RNF152: variants seen among roughly 807,000 people sequenced by gnomAD.
The protein encoded by RNF152 is E3 ubiquitin-protein ligase RNF152.
In RNF152, 11 loss-of-function variants were observed where a neutral mutation model predicts 12.7. The observed-to-expected ratio is 0.86, with a 90% CI of 0.54 to 1.43. The LOEUF is 1.43. Among genes scored for constraint, RNF152 ranks in the 40% most tolerant of loss-of-function variants. The pLI, the probability that RNF152 is intolerant of heterozygous loss-of-function variation, is 0.00. For missense variants in RNF152, 255 were observed against 274.8 expected, an observed-to-expected ratio of 0.93 and a Z score of 0.51; for synonymous variants, 113 against 120.3, an observed-to-expected ratio of 0.94 and a Z score of 0.40.
At chr18:61,871,902 C>T (rs1272074197) in intron 1 of RNF152, among the ~76,000 whole-genome samples, 2 of 152,136 alleles carry the variant, frequency 1.3e-5, no homozygotes, top group African/African-American at 4.8e-5. Flanking sequence ...TGTGAGGGAG[C>T]CTCCAAGAAA....
At chr18:61,865,023 A>C (rs1411812927) in intron 1 of RNF152, among the ~76,000 whole-genome samples, 1 of 152,174 alleles carries the variant, frequency 6.6e-6, no homozygotes, top group African/African-American at 2.4e-5. Context: ...TCCATCTCAA[A>C]AAAAAAAGGA....
At position 61,883,285 on chromosome 18, in the gene RNF152, C is replaced by A. The variant is rs561728232; in HGVS notation, c.-136+9510G>T. 5.9e-5 allele frequency among the ~76,000 whole-genome samples: 9 copies of A among 152,264 alleles called. No individual in the cohort carries two copies. In the East Asian group the frequency reaches 1.3e-3, roughly 23 times the overall value. On this transcript the variant is annotated intron_variant, in intron 1 of 1. Transcript: ENST00000312828. ...TGTCTACTGTGTACCGGGCCCCAAGCGGCTACCCCTTTTTAAGAAGAATTT... is the reference window on the plus strand; with the variant it reads ...TGTCTACTGTGTACCGGGCCCCAAGAGGCTACCCCTTTTTAAGAAGAATTT...
chr18:61,857,911 TAAAACA>T (rs1487627800), intron 1 of RNF152, among the ~76,000 whole-genome samples: 3 of 151,932 alleles, frequency 2.0e-5, no homozygotes, highest in Admixed American at 1.3e-4. Context: ...ATCAGACAAC[TAAAACA>T]ATAACAACAG....
chr18:61,834,112 T>A (rs899225089), intron 1 of RNF152, among the ~76,000 whole-genome samples: 1 of 152,218 alleles, frequency 6.6e-6, no homozygotes, highest in African/African-American at 2.4e-5. Context: ...TTATTTTTGT[T>A]ACGTCCTGGC....
intron 1 of RNF152, among the ~76,000 whole-genome samples, chr18:61,859,067 G>C (rs1568282903): frequency 6.6e-6 from 1 of 152,044 alleles, no homozygotes; most frequent in Non-Finnish European, 1.5e-5. Context: ...CCTCAGCCAC[G>C]ACCCTGTATT....
intron 1 of RNF152, among the ~76,000 whole-genome samples, chr18:61,829,366 C>T (rs1909823800): frequency 6.6e-6 from 1 of 152,058 alleles, no homozygotes; most frequent in Non-Finnish European, 1.5e-5. Flanking sequence ...ACTCTGCCAG[C>T]CCCAGCGCTC....
At position 61,814,313 on chromosome 18, in the gene RNF152, C is replaced by G. The variant is rs1908959131; in HGVS notation, c.*1539G>C. 6.6e-6 allele frequency: 1 copy of G among 152,140 alleles called. No individual in the cohort carries two copies. Among genetic ancestry groups the G allele is most frequent in the South Asian group, 2.1e-4 (1 of 4,828 alleles). 9.4% of individuals were successfully genotyped at this position (152,140 alleles called of 1,614,324 possible). On this transcript the variant is annotated 3_prime_UTR_variant, in exon 2 of 2. Transcript: ENST00000312828. ...CCCTGCTTGTCTTTCCTTCACTTCC[C>G]CCCACCCTCCTCACCATTTTCAGGG...
chr18:61,890,600 T>C (rs1036265390), intron 1 of RNF152: 3 of 152,188 alleles, frequency 2.0e-5, no homozygotes, highest in African/African-American at 4.8e-5. Context: ...ACCTCACCTA[T>C]CTTGCTGGTA....
chr18:61,859,267 C>T (rs1000430091), intron 1 of RNF152, among the ~76,000 whole-genome samples: 5 of 152,208 alleles, frequency 3.3e-5, no homozygotes, highest in Non-Finnish European at 7.3e-5. Flanking sequence ...ATCAAAGCCC[C>T]TCAGTTTCAG....
At chr18:61,816,945 T>A (rs1026884770) in intron 1 of RNF152, among the ~76,000 whole-genome samples, 1 of 152,228 alleles carries the variant, frequency 6.6e-6, no homozygotes, top group African/African-American at 2.4e-5. Flanking sequence ...TAGAGAAACT[T>A]TCCTGCTTCC....
At chr18:61,816,625 T>C (rs1909110388) in intron 1 of RNF152, 27 bp from the exon 2 acceptor site, 1 of 687,638 alleles carries the variant, frequency 1.5e-6, no homozygotes. Context: ...ATGCAAACAA[T>C]CTTAATTATT....
intron 1 of RNF152, chr18:61,888,953 T>C (rs1049160736): frequency 1.9e-4 from 29 of 151,974 alleles, no homozygotes; most frequent in African/African-American, 7.0e-4. Flanking sequence ...CCAGAGAAAA[T>C]ATAGAAATGC....
At position 61,809,080 on chromosome 18, in the gene RNF152, A is replaced by T. The variant is rs1464492628; in HGVS notation, c.*6772T>A. 1.3e-5 allele frequency: 2 copies of T among 152,296 alleles called. No homozygotes were observed. Among genetic ancestry groups the T allele is most frequent in the Non-Finnish European group, 2.9e-5 (2 of 68,132 alleles). 9.4% of individuals were successfully genotyped at this position (152,296 alleles called of 1,614,324 possible). A position where few individuals can be genotyped will look rare whatever the true frequency, so the allele number is the denominator to read the frequency against. ...TCTTTCTCCAGCTGGTTTCTGCCATATCTGGCCTTCAGCTCCTATATGTCT... is the reference window on the plus strand; with the variant it reads ...TCTTTCTCCAGCTGGTTTCTGCCATTTCTGGCCTTCAGCTCCTATATGTCT... On this transcript the variant is annotated 3_prime_UTR_variant, in exon 2 of 2. Transcript: ENST00000312828.
chr18:61,886,506 T>C (rs1015005192), intron 1 of RNF152, among the ~76,000 whole-genome samples: 3 of 152,256 alleles, frequency 2.0e-5, no homozygotes, highest in South Asian at 4.1e-4. Flanking sequence ...TAATACAAAA[T>C]AGGCTTTTTG....
intron 1 of RNF152, chr18:61,888,551 A>T (rs1912802306): frequency 2.0e-5 from 3 of 152,198 alleles, no homozygotes; most frequent in Non-Finnish European, 1.5e-5. Flanking sequence ...TTGTTACATG[A>T]TTTTGCCCCC....
chr18:61,879,182 T>A (rs928404133), intron 1 of RNF152, among the ~76,000 whole-genome samples: 4 of 152,212 alleles, frequency 2.6e-5, no homozygotes, highest in Non-Finnish European at 5.9e-5. Context: ...TTACCTCCAC[T>A]CCGAATGTGC....
In RNF152 at chr18:61,892,471, TAAG is replaced by T. The variant is rs527927635; in HGVS notation, c.-136+321_-136+323del. Among the ~76,000 whole-genome samples the T allele has an allele frequency of 2.8e-4, 42 of 152,262 alleles. No homozygotes were observed. The South Asian group carries it at 8.7e-3, about 32-fold the overall frequency. ...TGAAGCCTAAATCTATTACTACAGA[TAAG>T]AAAGCAGGCATCTATGGAAACCTAA... On this transcript the variant is annotated intron_variant, in intron 1 of 1. Transcript: ENST00000312828.
At chr18:61,846,546 C>T (rs1261121958) in intron 1 of RNF152, among the ~76,000 whole-genome samples, 3 of 152,172 alleles carry the variant, frequency 2.0e-5, no homozygotes, top group Non-Finnish European at 4.4e-5. Flanking sequence ...CACAGATGCA[C>T]ATTCGTTGAG....
Position 61,815,767 on chromosome 18 carries a change from GCCC to G in RNF152, c.*82_*84del, listed in dbSNP as rs1298254332. The stretch of plus-strand genomic sequence containing the variant: ...CGCTCAGCACCAAATGGTCAGTGTT[GCCC>G]CCCATCTTCTCACTGGGATCTCATC... On this transcript the variant is annotated 3_prime_UTR_variant, in exon 2 of 2. Transcript: ENST00000312828. 26 of 1,470,046 alleles carry G rather than the reference GCCC, an allele frequency of 1.8e-5. No individual in the cohort carries two copies. The highest frequency in any genetic ancestry group is 2.4e-5 in the Non-Finnish European group (26 of 1,068,216). 91.1% of individuals were successfully genotyped at this position (1,470,046 alleles called of 1,614,324 possible).
Sources: gnomAD v4.1 joint callset for allele counts (sites outside exome capture counted in the v4.1 genomes callset) on GRCh38, gnomAD v4.1.1 for gene constraint, MANE v1.5 for transcripts, NCBI Gene and HGNC (gene_info 2026-07-23, HGNC 2026-07-21) for gene names.